Variants in WASHC2C observed in about 807,000 individuals in gnomAD.
WASHC2C encodes the protein WASH complex subunit 2C.
Under a neutral mutation model 142.2 loss-of-function variants are expected in WASHC2C, and 73 were observed. The ratio of observed to expected loss-of-function variants is 0.51; its 90% CI spans 0.43 to 0.62. WASHC2C has a LOEUF of 0.62. Among genes scored for constraint, WASHC2C ranks in the 20% least tolerant of loss-of-function variants. WASHC2C has a pLI of 0.00. For synonymous variants in WASHC2C, 337 were observed against 565.5 expected (o/e 0.60, Z 5.73); for missense variants, 969 against 1,531.7 (o/e 0.63, Z 6.13).
In WASHC2C at chr10:45,784,638, T is replaced by C. The variant is rs1554889266; in HGVS notation, c.2552T>C (p.Leu851Pro). The change falls in exon 24 of 31, where the codon CTC becomes CCC. Residue 851 changes from leucine (L) to proline (P), a missense_variant. Coordinates refer to ENST00000623400, the MANE Select transcript of WASHC2C (RefSeq NM_001330074.2). ...GAAGAGCTGCTTTTCAGCCACAAGC[T>C]CCAAAAGGACAATGACCCAGATGTT... Reference protein sequence around the residue: ...QDEELLFSHKLQKDNDPDVDL... With the variant: ...QDEELLFSHKPQKDNDPDVDL... 1 of 1,609,348 alleles carries C rather than the reference T, an allele frequency of 6.2e-7. No individual in the cohort carries two copies. The highest frequency in any genetic ancestry group is 8.5e-7 in the Non-Finnish European group (1 of 1,179,296).
chr10:45,742,750 C>A (rs1470329423), intron 5 of WASHC2C, among the ~76,000 whole-genome samples: 57 of 151,828 alleles, frequency 3.8e-4, no homozygotes, highest in Non-Finnish European at 6.2e-4. Flanking sequence ...GAGGTTGTAC[C>A]CTTTTCCCTG....
chr10:45,735,516 A>G (rs530619738), intron 3 of WASHC2C, among the ~76,000 whole-genome samples: 57 of 152,134 alleles, frequency 3.7e-4, no homozygotes, highest in Admixed American at 1.4e-3. Context: ...TGAGCCTCCC[A>G]AAGTGCTGGG....
At chr10:45,773,773 T>C (rs2056825362) in intron 21 of WASHC2C, among the ~76,000 whole-genome samples, 1 of 151,978 alleles carries the variant, frequency 6.6e-6, no homozygotes, top group Admixed American at 6.6e-5. Context: ...GAGGCCGTTA[T>C]ACTCCATCAG....
In WASHC2C at chr10:45,789,418, A is replaced by G; in HGVS notation, c.3635A>G (p.Gln1212Arg). The G allele has an allele frequency of 6.2e-7, 1 of 1,612,102 alleles. No individual in the cohort carries two copies. Among genetic ancestry groups the G allele is most frequent in the Non-Finnish European group, 8.5e-7 (1 of 1,179,874 alleles). Residue 1212 changes from glutamine to arginine, a missense_variant, in exon 29 of 31, where the codon CAG (glutamine) becomes CGG (arginine). Gln to Arg is a conservative substitution (Grantham distance 43). Coordinates refer to ENST00000623400, the MANE Select transcript of WASHC2C (RefSeq NM_001330074.2). ...GATGAGGATGACCTCTTTACAGATCAGAAAGTCAAGAAGAATGAGACAAAA... is the reference window on the plus strand; with the variant it reads ...GATGAGGATGACCTCTTTACAGATCGGAAAGTCAAGAAGAATGAGACAAAA... ...LEDEDDLFTD[Q>R]KVKKNETKSS...
At chr10:45,789,872 C>G (rs1339647489) in intron 29 of WASHC2C, among the ~76,000 whole-genome samples, 1 of 147,110 alleles carries the variant, frequency 6.8e-6, no homozygotes, top group Non-Finnish European at 1.5e-5. Context: ...TTGGCCCTGG[C>G]TGGAGCTGAC....
chr10:45,789,314 G>A lies in WASHC2C; in HGVS notation c.3531G>A (p.Glu1177=). 1.9e-6 allele frequency: 3 copies of A among 1,612,054 alleles called. No individual in the cohort carries two copies. Among genetic ancestry groups the A allele is most frequent in the Non-Finnish European group, 2.5e-6 (3 of 1,179,866 alleles). Residue 1177 remains glutamate (E), a synonymous_variant, in exon 29 of 31, where the codon GAG becomes GAA. Transcript: ENST00000623400. ...GCCCCATGTTTCCTGCTCTAGGCGA[G>A]GCCAGCAGTGATGATGATCTCTTTC... is the stretch of plus-strand genomic sequence containing the variant. ...AKSPMFPALG[E]ASSDDDLFQS... is the part of the protein sequence containing the mutation.
chr10:45,738,048 A>G lies in WASHC2C; in HGVS notation c.354+3A>G, dbSNP rs2134205347. 1 of 1,611,872 alleles carries G rather than the reference A, an allele frequency of 6.2e-7. No homozygotes were observed. Among genetic ancestry groups the G allele is most frequent in the Non-Finnish European group, 8.5e-7 (1 of 1,179,850 alleles). ...CTGAGGCAGAAAAAACAGAGCAGGTACTTGTATAAAATCACTCTTAGCTGA... is the reference window on the plus strand; with the variant it reads ...CTGAGGCAGAAAAAACAGAGCAGGTGCTTGTATAAAATCACTCTTAGCTGA... On this transcript the variant is annotated splice_donor_region_variant and intron_variant, in intron 4 of 30. Transcript: ENST00000623400.
chr10:45,751,404 T>C lies in WASHC2C; in HGVS notation c.932-78T>C, dbSNP rs551723569. 1.5e-4 allele frequency: 110 copies of C among 727,810 alleles called. 1 individual carries two copies. Among genetic ancestry groups the C allele is most frequent in the Non-Finnish European group, 2.2e-4 (100 of 448,096 alleles). 45.1% of individuals were successfully genotyped at this position (727,810 alleles called of 1,614,324 possible). A position where few individuals can be genotyped will look rare whatever the true frequency, so the allele number is the denominator to read the frequency against. On this transcript the variant is annotated intron_variant, in intron 10 of 30. Coordinates refer to ENST00000623400, the MANE Select transcript of WASHC2C (RefSeq NM_001330074.2). Reference sequence around the variant, plus strand: ...TGCTCTTAGCTGTGAGTTATGAGGATGACAGACGTGGAAAGAACCAGGATG... The same window carrying C: ...TGCTCTTAGCTGTGAGTTATGAGGACGACAGACGTGGAAAGAACCAGGATG...
chr10:45,786,037 G>A, intron 26 of WASHC2C: 1 of 274,434 alleles, frequency 3.6e-6, no homozygotes, highest in Middle Eastern at 1.3e-3. Context: ...TTGCTGTTGG[G>A]CCGTACTCTG....
intron 3 of WASHC2C, among the ~76,000 whole-genome samples, chr10:45,736,424 A>AAG (rs1554864760): frequency 1.4e-5 from 2 of 147,706 alleles, no homozygotes; most frequent in Non-Finnish European, 3.0e-5. Context: ...AAAAAAAAAA[A>AAG]AAAAAAAAAA....
intron 16 of WASHC2C, 101 bp downstream of exon 16, chr10:45,757,240 T>C (rs1294425911): frequency 4.1e-5 from 64 of 1,560,210 alleles, no homozygotes; most frequent in Non-Finnish European, 5.2e-5. Flanking sequence ...CACGTTCATA[T>C]TGAAGAACTT....
At chr10:45,791,591 A>C (rs2058397346) in intron 30 of WASHC2C, among the ~76,000 whole-genome samples, 1 of 145,990 alleles carries the variant, frequency 6.8e-6, no homozygotes, top group Non-Finnish European at 1.5e-5. Context: ...CTTTATATTT[A>C]GCCATTAGCC....
Position 45,752,715 on chromosome 10 carries a change from A to T in WASHC2C, c.1122+9A>T. The T allele has an allele frequency of 1.2e-6, 2 of 1,608,646 alleles. No homozygotes were observed. The highest frequency in any genetic ancestry group is 1.7e-6 in the Non-Finnish European group (2 of 1,178,628). On this transcript the variant is annotated intron_variant, in intron 12 of 30. Transcript: ENST00000623400. ...ATGATGAGGACGAGGAGGTGAGTCC[A>T]TGGCACCCAGCAACACTCCCTGCAG...
Position 45,792,181 on chromosome 10 carries a change from T to C in WASHC2C, c.3887-80T>C. On this transcript the variant is annotated intron_variant, in intron 30 of 30. Transcript: ENST00000623400. ...CATGCTGTTACGAGAGCTGGGTCTT[T>C]GGTGGTTTGCTTGCATGTGTCTTAA... 2 of 1,479,292 alleles carry C rather than the reference T, an allele frequency of 1.4e-6. 1 individual carries two copies. The allele number at this position is 1,479,292 out of a possible 1,614,324, so 91.6% of individuals were successfully genotyped here.
At chr10:45,791,915 C>T (rs2058416350) in intron 30 of WASHC2C, among the ~76,000 whole-genome samples, 1 of 145,712 alleles carries the variant, frequency 6.9e-6, no homozygotes, top group Non-Finnish European at 1.5e-5. Flanking sequence ...TCTTTTAAAA[C>T]CCAGTATGAA....
chr10:45,744,446 C>T (rs1242388838), intron 6 of WASHC2C, among the ~76,000 whole-genome samples: 9 of 140,062 alleles, frequency 6.4e-5, no homozygotes, highest in Admixed American at 6.0e-4. Flanking sequence ...ACACCCTTTA[C>T]AGTCTCTCTC....
intron 3 of WASHC2C, among the ~76,000 whole-genome samples, chr10:45,730,316 C>T (rs1480694558): frequency 6.9e-6 from 1 of 144,066 alleles, no homozygotes; most frequent in East Asian, 1.9e-4. Context: ...CATTGTACTC[C>T]AGCCTGGGCA....
Position 45,789,177 on chromosome 10 carries a change from T to C in WASHC2C, c.3394T>C (p.Ser1132Pro), listed in dbSNP as rs2058252343. 6 of 1,612,046 alleles carry C rather than the reference T, an allele frequency of 3.7e-6. No homozygotes were observed. Among genetic ancestry groups the C allele is most frequent in the Non-Finnish European group, 5.1e-6 (6 of 1,179,860 alleles). Residue 1132 changes from serine (S) to proline (P), a missense_variant, in exon 29 of 31, where the codon TCT (serine) becomes CCT (proline). By Grantham distance (74) the Ser-to-Pro change is moderately conservative. Transcript: ENST00000623400. ...HSRGEADLFD[S>P]GDIFSTGTGS... is the part of the protein sequence containing the mutation. ...CAGAGGGGAGGCTGACCTTTTTGATTCTGGGGACATTTTTTCCACGGGCAC... is the reference window on the plus strand; with the variant it reads ...CAGAGGGGAGGCTGACCTTTTTGATCCTGGGGACATTTTTTCCACGGGCAC...
chr10:45,727,176 C>T, upstream of WASHC2C: 1 of 1,453,244 alleles, frequency 6.9e-7, no homozygotes, highest in Non-Finnish European at 9.0e-7. Flanking sequence ...CAGGTCGGAT[C>T]ACGTGCGGGT....
Sources: allele counts gnomAD v4.1 joint callset (sites outside exome capture counted in the v4.1 genomes callset), GRCh38; gene constraint gnomAD v4.1.1; transcripts MANE v1.5; gene names NCBI Gene and HGNC (gene_info 2026-07-23, HGNC 2026-07-21).